Variants in ZNF132 observed in about 807,000 individuals in gnomAD.
ZNF132 encodes zinc finger protein 132.
In ZNF132, 6 loss-of-function variants were observed where a neutral mutation model predicts 9.3. That is an observed-to-expected ratio of 0.65 (90% confidence interval 0.35 to 1.28). The LOEUF (loss-of-function observed/expected upper bound fraction) is 1.28. Among genes scored for constraint, ZNF132 ranks in the 50% most tolerant of loss-of-function variants. The pLI, the probability that ZNF132 is intolerant of heterozygous loss-of-function variation, is 0.03. For missense variants in ZNF132, 877 were observed against 843.2 expected, an observed-to-expected ratio of 1.04 and a Z score of -0.50; for synonymous variants, 296 against 292.0, an observed-to-expected ratio of 1.01 and a Z score of -0.14.
At chr19:58,436,446 C>T (rs2052773053) in intron 2 of ZNF132, 1 of 156,730 alleles carries the variant, frequency 6.4e-6, no homozygotes, top group Non-Finnish European at 1.4e-5. Flanking sequence ...GTGGGTGGAT[C>T]ACGAGGTCAG....
intron 1 of ZNF132, among the ~76,000 whole-genome samples, chr19:58,438,743 G>T (rs936911495): frequency 6.7e-6 from 1 of 149,144 alleles, no homozygotes; most frequent in East Asian, 2.0e-4. Flanking sequence ...AAAGTGCTGG[G>T]ATTACAGGCG....
Position 58,440,036 on chromosome 19 carries a change from G to A in ZNF132, c.-215C>T, listed in dbSNP as rs1426157452. 7.2e-6 allele frequency: 4 copies of A among 556,304 alleles called. No homozygotes were observed. Among genetic ancestry groups the A allele is most frequent in the African/African-American group, 2.0e-5 (1 of 50,032 alleles). 34.5% of individuals were successfully genotyped at this position (556,304 alleles called of 1,614,324 possible). On this transcript the variant is annotated 5_prime_UTR_variant, in exon 1 of 3. Coordinates refer to ENST00000254166, the MANE Select transcript of ZNF132 (RefSeq NM_003433.4). ...GCTCATAAAAGCAGAGTAATTAGCC[G>A]GGCACTATGGTGCGTGTGAAGGCGC...
At position 58,439,762 on chromosome 19, in the gene ZNF132, C is replaced by T; in HGVS notation, c.60G>A (p.Ala20=). ...GCCTGGGGCACACTCCACTTACCTGCGCCGGGCCCATCAGCAACGCTGGCA... is the reference window on the plus strand; with the variant it reads ...GCCTGGGGCACACTCCACTTACCTGTGCCGGGCCCATCAGCAACGCTGGCA... ...MGLPALLMGP[A]QHTSWPCGSA... The change falls in exon 1 of 3, where the codon GCG becomes GCA. Residue 20 remains alanine, a synonymous_variant. Transcript: ENST00000254166. 1.3e-6 allele frequency: 2 copies of T among 1,542,144 alleles called. 1 individual carries two copies. Among genetic ancestry groups the T allele is most frequent in the South Asian group, 2.4e-5 (2 of 82,796 alleles).
chr19:58,433,822 T>C lies in ZNF132; in HGVS notation c.1622A>G (p.Lys541Arg), dbSNP rs867898941. 6.2e-7 allele frequency: 1 copy of C among 1,614,040 alleles called. No homozygotes were observed. The highest frequency in any genetic ancestry group is 8.5e-7 in the Non-Finnish European group (1 of 1,179,986). The change falls in exon 3 of 3, where the codon AAG (lysine) becomes AGG (arginine). Residue 541 changes from lysine to arginine, a missense_variant. Lys to Arg is a conservative substitution (Grantham distance 26). Transcript: ENST00000254166. Reference protein sequence around the residue: ...IQHWRIHTGEKPYECSECGKA... With the variant: ...IQHWRIHTGERPYECSECGKA... ...CCCACACTCACTACACTCGTAAGGC[T>C]TTTCTCCAGTGTGAATTCTCCAGTG...
chr19:58,433,311 A>G lies in ZNF132; in HGVS notation c.*12T>C, dbSNP rs1248811862. 1 of 1,600,624 alleles carries G rather than the reference A, an allele frequency of 6.2e-7. No individual in the cohort carries two copies. Among genetic ancestry groups the G allele is most frequent in the African/African-American group, 1.3e-5 (1 of 74,526 alleles). On this transcript the variant is annotated 3_prime_UTR_variant, in exon 3 of 3. Transcript: ENST00000254166. ...AGATTTTCTCACAAAGACCACTTCC[A>G]TAAGGCTCCACTCAGGTATGAATCT... is the stretch of plus-strand genomic sequence containing the variant.
intron 2 of ZNF132, chr19:58,435,413 C>T: frequency 3.4e-6 from 2 of 582,154 alleles, no homozygotes; most frequent in Non-Finnish European, 5.9e-6. Context: ...TAAGGGAGAC[C>T]TCACCAGGGG....
At position 58,437,050 on chromosome 19, in the gene ZNF132, G is replaced by C; in HGVS notation, c.229C>G (p.Leu77Val). ...MLENLELVTS[L>V]GSWHGVEGEG... Reference sequence around the variant, plus strand: ...CCATGCTGAGACAGGGCATTACCAAGTGAGGTCACAAGCTCAAGGTTTTCC... The same window carrying C: ...CCATGCTGAGACAGGGCATTACCAACTGAGGTCACAAGCTCAAGGTTTTCC... The change falls in exon 2 of 3, where the codon CTT (leucine) becomes GTT (valine). Residue 77 changes from leucine (L) to valine (V), a missense_variant. Physicochemically the swap from Leu to Val is conservative, Grantham distance 32. Transcript: ENST00000254166. 1 of 1,614,164 alleles carries C rather than the reference G, an allele frequency of 6.2e-7. No individual in the cohort carries two copies. Among genetic ancestry groups the C allele is most frequent in the South Asian group, 1.1e-5 (1 of 91,078 alleles).
At position 58,433,395 on chromosome 19, in the gene ZNF132, A is replaced by C; in HGVS notation, c.2049T>G (p.Tyr683Ter). 1 of 1,614,196 alleles carries C rather than the reference A, an allele frequency of 6.2e-7. No individual in the cohort carries two copies. Among genetic ancestry groups the C allele is most frequent in the Non-Finnish European group, 8.5e-7 (1 of 1,180,018 alleles). ...HQKVHTRERT[Y>*]ECSQCGKLFS... is the part of the protein sequence containing the mutation. ...AGAGTTTCCCACACTGGCTACACTCATAAGTCCTTTCTCTGGTGTGAACTT... is the reference window on the plus strand; with the variant it reads ...AGAGTTTCCCACACTGGCTACACTCCTAAGTCCTTTCTCTGGTGTGAACTT... The change falls in exon 3 of 3, where the codon TAT becomes TAG. Residue 683 changes from tyrosine (Y) to a stop codon, truncating the protein, a stop_gained. Transcript: ENST00000254166. LOFTEE classifies it low-confidence loss of function (END_TRUNC).
At chr19:58,436,757 C>T (rs1247447542) in intron 2 of ZNF132, 1 of 513,058 alleles carries the variant, frequency 1.9e-6, no homozygotes, top group Admixed American at 2.8e-5. Context: ...GGTAACCCGA[C>T]CAGGGATTGG....
At chr19:58,439,692 A>C (rs888400616) in intron 1 of ZNF132, 67 bp downstream of exon 1, 4 of 1,457,704 alleles carry the variant, frequency 2.7e-6, no homozygotes, top group African/African-American at 1.5e-5. Flanking sequence ...CATCCCCTCT[A>C]TCTGGGCTTC....
rs763615450 is a variant in ZNF132, at chr19:58,437,224, GAAAC to G, written c.64-13_64-10del. 36 of 1,577,164 alleles carry G rather than the reference GAAAC, an allele frequency of 2.3e-5. No individual in the cohort carries two copies. The highest frequency in any genetic ancestry group is 7.5e-5 in the Admixed American group (4 of 53,348). On this transcript the variant is annotated splice_polypyrimidine_tract_variant and intron_variant, in intron 1 of 2. Coordinates refer to ENST00000254166, the MANE Select transcript of ZNF132 (RefSeq NM_003433.4). ...CAGGGCCAAGAAGTATGCTGACAAAGAAACAAACAATTGGTCAAATGGAAATATG... is the reference window on the plus strand; with the variant it reads ...CAGGGCCAAGAAGTATGCTGACAAAGAAACAATTGGTCAAATGGAAATATG...
chr19:58,435,252 G>C (rs1419909395), intron 2 of ZNF132, 41 bp from the exon 3 acceptor site: 1 of 1,574,434 alleles, frequency 6.4e-7, no homozygotes, highest in African/African-American at 1.4e-5. Context: ...AATTCCACTT[G>C]GTGGGAATGG....
Position 58,434,788 on chromosome 19 carries a change from G to A in ZNF132, c.656C>T (p.Pro219Leu), listed in dbSNP as rs778214256. The change falls in exon 3 of 3, where the codon CCA (proline) becomes CTA (leucine). Residue 219 changes from proline (P) to leucine (L), a missense_variant. Pro to Leu is a moderately conservative substitution (Grantham distance 98, BLOSUM62 -3). Transcript: ENST00000254166. ...QLQAVDSGQK[P>L]YSNLGQLPEV... ...TGGAAGCTGCCCAAGATTGGAATATGGCTTCTGCCCACTGTCAACAGCTTG... is the reference window on the plus strand; with the variant it reads ...TGGAAGCTGCCCAAGATTGGAATATAGCTTCTGCCCACTGTCAACAGCTTG... The A allele has an allele frequency of 1.2e-6, 2 of 1,614,212 alleles. No homozygotes were observed. Among genetic ancestry groups the A allele is most frequent in the Non-Finnish European group, 1.7e-6 (2 of 1,180,040 alleles).
Position 58,433,618 on chromosome 19 carries a change from C to T in ZNF132, c.1826G>A (p.Ser609Asn). ...YKCSECGKFF[S>N]RKSSLICHWR... is the part of the protein sequence containing the mutation. ...GTGACAAATAAGGCTGGATTTTCGG[C>T]TAAAGAATTTCCCACATTCACTGCA... The change falls in exon 3 of 3, where the codon AGC (serine) becomes AAC (asparagine). Residue 609 changes from serine to asparagine, a missense_variant. Ser to Asn is a conservative substitution (Grantham distance 46, BLOSUM62 1). Transcript: ENST00000254166. The T allele has an allele frequency of 6.2e-7, 1 of 1,614,152 alleles. No individual in the cohort carries two copies. The highest frequency in any genetic ancestry group is 8.5e-7 in the Non-Finnish European group (1 of 1,180,024).
In ZNF132 at chr19:58,434,480, T is replaced by C; in HGVS notation, c.964A>G (p.Ile322Val). Residue 322 changes from isoleucine (I) to valine (V), a missense_variant, in exon 3 of 3, where the codon ATT becomes GTT. Physicochemically the swap from Ile to Val is conservative, Grantham distance 29. Transcript: ENST00000254166. ...TGGTTGAAGGTTTTCCCACATGCAA[T>C]GCACTCATAATATTTTACTTCAGTG... ...FHTEVKYYEC[I>V]ACGKTFNHKL... 1.2e-6 allele frequency: 2 copies of C among 1,614,270 alleles called. No homozygotes were observed. Among genetic ancestry groups the C allele is most frequent in the Non-Finnish European group, 1.7e-6 (2 of 1,180,050 alleles).
At position 58,433,787 on chromosome 19, in the gene ZNF132, C is replaced by A. The variant is rs776669276; in HGVS notation, c.1657G>T (p.Ala553Ser). Residue 553 changes from alanine to serine, a missense_variant, in exon 3 of 3, where the codon GCT becomes TCT. Physicochemically the swap from Ala to Ser is moderately conservative, Grantham distance 99. Transcript: ENST00000254166. ...TGTTCAATGAGAGTGGAGCTGTGAGCAAAGGCTTTCCCACACTCACTACAC... is the reference window on the plus strand; with the variant it reads ...TGTTCAATGAGAGTGGAGCTGTGAGAAAAGGCTTTCCCACACTCACTACAC... ...YECSECGKAF[A>S]HSSTLIEHWR... 2 of 1,613,956 alleles carry A rather than the reference C, an allele frequency of 1.2e-6. No homozygotes were observed. Among genetic ancestry groups the A allele is most frequent in the South Asian group, 2.2e-5 (2 of 91,058 alleles).
At chr19:58,437,259 C>A (rs759464105) in intron 1 of ZNF132, 44 bp from the exon 2 acceptor site, 1 of 1,539,126 alleles carries the variant, frequency 6.5e-7, no homozygotes, top group Non-Finnish European at 8.7e-7. Flanking sequence ...ATATGCAGGA[C>A]CTTGCTGTGT....
In ZNF132 at chr19:58,434,575, G is replaced by T. The variant is rs756962559; in HGVS notation, c.869C>A (p.Pro290His). Residue 290 changes from proline (P) to histidine (H), a missense_variant, in exon 3 of 3, where the codon CCC becomes CAC. Coordinates refer to ENST00000254166, the MANE Select transcript of ZNF132 (RefSeq NM_003433.4). Reference protein sequence around the residue: ...GNKKFHTGEIPHVCKECGKAF... With the variant: ...GNKKFHTGEIHHVCKECGKAF... ...CTTCCCACACTCCTTACACACATGG[G>T]GTATTTCCCCAGTGTGAAACTTTTT... is the stretch of plus-strand genomic sequence containing the variant. 2 of 1,614,078 alleles carry T rather than the reference G, an allele frequency of 1.2e-6. No homozygotes were observed. Among genetic ancestry groups the T allele is most frequent in the East Asian group, 4.5e-5 (2 of 44,888 alleles).
chr19:58,434,458 T>C lies in ZNF132; in HGVS notation c.986A>G (p.Asn329Ser), dbSNP rs144086247. ...ATGATGAACAAATGTGAGTTTGTGG[T>C]TGAAGGTTTTCCCACATGCAATGCA... ...YECIACGKTF[N>S]HKLTFVHHQR... The change falls in exon 3 of 3, where the codon AAC (asparagine) becomes AGC (serine). Residue 329 changes from asparagine (N) to serine (S), a missense_variant. Coordinates refer to ENST00000254166, the MANE Select transcript of ZNF132 (RefSeq NM_003433.4). 1.9e-4 allele frequency: 300 copies of C among 1,614,116 alleles called. No individual in the cohort carries two copies. Among genetic ancestry groups the C allele is most frequent in the Non-Finnish European group, 2.4e-4 (286 of 1,180,062 alleles).
Sources: gnomAD v4.1 joint callset for allele counts (sites outside exome capture counted in the v4.1 genomes callset) on GRCh38, gnomAD v4.1.1 for gene constraint, MANE v1.5 for transcripts, NCBI Gene and HGNC (gene_info 2026-07-23, HGNC 2026-07-21) for gene names.